Variants in CNTFR observed in about 807,000 individuals in gnomAD.
CNTFR encodes ciliary neurotrophic factor receptor subunit alpha.
A neutral mutation model predicts 40.4 loss-of-function variants in CNTFR; 12 were observed. That is an observed-to-expected ratio of 0.30 (90% CI 0.19 to 0.48). The LOEUF (loss-of-function observed/expected upper bound fraction) is 0.48, where lower values mean the gene tolerates loss of function less well. Among genes scored for constraint, CNTFR ranks in the 20% least tolerant of loss-of-function variants. The pLI is 0.99. For missense variants in CNTFR, 414 were observed against 506.8 expected (o/e 0.82, Z 1.76); for synonymous variants, 202 against 209.6 (o/e 0.96, Z 0.31).
chr9:34,584,377 A>G (rs1240946259), intron 1 of CNTFR, among the ~76,000 whole-genome samples: 2 of 151,530 alleles, frequency 1.3e-5, no homozygotes, highest in Non-Finnish European at 2.9e-5. Flanking sequence ...ATATTCACAC[A>G]CTCTCCCAGT....
intron 2 of CNTFR, among the ~76,000 whole-genome samples, chr9:34,574,665 G>T (rs1826863882): frequency 1.3e-5 from 2 of 152,206 alleles, no homozygotes; most frequent in Non-Finnish European, 1.5e-5. Flanking sequence ...TGAGTGAGTT[G>T]GGGGGGTTGG....
Position 34,557,643 on chromosome 9 carries a change from G to T in CNTFR, c.487C>A (p.Arg163Ser). The T allele has an allele frequency of 3.7e-6, 6 of 1,614,208 alleles. No individual in the cohort carries two copies. Among genetic ancestry groups the T allele is most frequent in the South Asian group, 1.1e-5 (1 of 91,082 alleles). Residue 163 changes from arginine to serine, a missense_variant, in exon 6 of 10, where the codon CGC (arginine) becomes AGC (serine). Around this residue, in one of 3 missense-constraint regions of CNTFR, gnomAD observed 250 missense variants for 269.5 expected, o/e 0.93. Transcript: ENST00000378980. This position sits in a 1 kb window ranked among gnomAD's most constrained non-coding sequence, Gnocchi z 4.2. ...VCEKDPALKN[R>S]CHIRYMHLFS... ...AGGTGCATGTAGCGAATGTGGCAGC[G>T]GTTCTTGAGGGCTGGGTCCTTCTCA...
intron 7 of CNTFR, among the ~76,000 whole-genome samples, chr9:34,554,471 T>A (rs181829245): frequency 1.2e-4 from 19 of 152,290 alleles, no homozygotes; most frequent in Admixed American, 9.8e-4. Context: ...AGGTTATCAG[T>A]GATCCCTTCA....
rs779639076 is a variant in CNTFR at position 34,556,431 on chromosome 9, C to T, written c.605-13G>A. ...GGATCAGGCTTCACTGTTCAGGAGA[C>T]ATAGCTTCATTACTACACTAATCAC... On this transcript the variant is annotated splice_polypyrimidine_tract_variant and intron_variant, in intron 6 of 9. Coordinates refer to ENST00000378980, the MANE Select transcript of CNTFR (RefSeq NM_147164.3). 5 of 1,590,410 alleles carry T rather than the reference C, an allele frequency of 3.1e-6. No individual in the cohort carries two copies. The highest frequency in any genetic ancestry group is 4.3e-6 in the Non-Finnish European group (5 of 1,166,488).
At chr9:34,568,445 G>T (rs191051320) in intron 3 of CNTFR, among the ~76,000 whole-genome samples, 1 of 152,116 alleles carries the variant, frequency 6.6e-6, no homozygotes, top group East Asian at 1.9e-4. Flanking sequence ...CTGTCCCTTC[G>T]TCTCATTCTC....
Position 34,557,977 on chromosome 9 carries a change from C to T in CNTFR, c.327G>A (p.Pro109=), listed in dbSNP as rs1240696816. Residue 109 remains proline, a synonymous_variant, in exon 5 of 10, where the codon CCG becomes CCA. Coordinates refer to ENST00000378980, the MANE Select transcript of CNTFR (RefSeq NM_147164.3). This position sits in a 1 kb window ranked among gnomAD's most constrained non-coding sequence, Gnocchi z 4.2. Reference sequence around the variant, plus strand: ...AGCGGCAGCTGAGCACAGGCTCCCGCGGCGGCACTGGGGGTGAGGACAGTA... The same window carrying T: ...AGCGGCAGCTGAGCACAGGCTCCCGTGGCGGCACTGGGGGTGAGGACAGTA... The part of the protein sequence containing the change: ...HQVLLHVGLP[P]REPVLSCRSN... 12 of 1,542,320 alleles carry T rather than the reference C, an allele frequency of 7.8e-6. No homozygotes were observed. The highest frequency in any genetic ancestry group is 5.5e-5 in the African/African-American group (4 of 72,678).
At chr9:34,565,648 C>A (rs911685128) in intron 3 of CNTFR, among the ~76,000 whole-genome samples, 2 of 152,084 alleles carry the variant, frequency 1.3e-5, no homozygotes, top group African/African-American at 4.8e-5. Flanking sequence ...CCTGTCAGAG[C>A]CAAAAGCAAA....
Position 34,552,007 on chromosome 9 carries a change from C to A in CNTFR, c.*64G>T. ...TGTGCAAAATAGAAACCGGGGTCTG[C>A]AGGCTCAGCTCCGGCCTCCTGCTCC... On this transcript the variant is annotated 3_prime_UTR_variant, in exon 10 of 10. Coordinates refer to ENST00000378980, the MANE Select transcript of CNTFR (RefSeq NM_147164.3). The surrounding 1 kb of genome is among the most constrained non-coding windows in gnomAD (Gnocchi z 5.1). 1 of 925,892 alleles carries A rather than the reference C, an allele frequency of 1.1e-6. No individual in the cohort carries two copies. Among genetic ancestry groups the A allele is most frequent in the Non-Finnish European group, 1.7e-6 (1 of 572,272 alleles). The allele number at this position is 925,892 out of a possible 1,614,324, so 57.4% of individuals were successfully genotyped here.
Position 34,552,715 on chromosome 9 carries a change from G to T in CNTFR, c.908C>A (p.Thr303Asn). 1 of 1,613,830 alleles carries T rather than the reference G, an allele frequency of 6.2e-7. No individual in the cohort carries two copies. Among genetic ancestry groups the T allele is most frequent in the South Asian group, 1.1e-5 (1 of 91,080 alleles). ...WSVAAHATPWTEEPRHLTTEA... is the reference protein window; with the variant it reads ...WSVAAHATPWNEEPRHLTTEA... ...CGTGGTGAGGTGTCGCGGTTCCTCA[G>T]TCCAGGGCGTAGCGTGGGCGGCTAC... The change falls in exon 8 of 10, where the codon ACT becomes AAT. Residue 303 changes from threonine to asparagine, a missense_variant. Transcript: ENST00000378980. This position sits in a 1 kb window ranked among gnomAD's most constrained non-coding sequence, Gnocchi z 5.1.
intron 2 of CNTFR, among the ~76,000 whole-genome samples, chr9:34,573,604 G>A (rs1483590808): frequency 6.6e-6 from 1 of 152,196 alleles, no homozygotes; most frequent in Non-Finnish European, 1.5e-5. Flanking sequence ...CTGATGAAGG[G>A]CATCCGGCCC....
intron 3 of CNTFR, among the ~76,000 whole-genome samples, chr9:34,565,064 G>C (rs1826226498): frequency 6.6e-6 from 1 of 152,122 alleles, no homozygotes; most frequent in Non-Finnish European, 1.5e-5. Context: ...ATGTACAGGG[G>C]CTAGGTATGT....
At chr9:34,576,049 G>C (rs543303759) in intron 2 of CNTFR, among the ~76,000 whole-genome samples, 2 of 151,980 alleles carry the variant, frequency 1.3e-5, no homozygotes, top group Non-Finnish European at 2.9e-5. Flanking sequence ...AGCACCCAGC[G>C]CTCACTTCAC....
chr9:34,560,852 G>C (rs1054288682), intron 4 of CNTFR, among the ~76,000 whole-genome samples: 4 of 152,226 alleles, frequency 2.6e-5, no homozygotes, highest in Admixed American at 1.3e-4. Context: ...CCCAGGGTTT[G>C]TTTGTTTTCC....
intron 7 of CNTFR, among the ~76,000 whole-genome samples, chr9:34,554,981 G>A (rs948602110): frequency 3.3e-5 from 5 of 152,234 alleles, no homozygotes; most frequent in Admixed American, 1.3e-4. Flanking sequence ...TCAGTTTTGC[G>A]CATGGTCTCG....
chr9:34,558,254 C>T (rs571311613), intron 4 of CNTFR, among the ~76,000 whole-genome samples: 21 of 152,320 alleles, frequency 1.4e-4, no homozygotes, highest in African/African-American at 4.3e-4. Flanking sequence ...CAGGGGGCTG[C>T]GGGCCTCAAC....
chr9:34,581,417 T>C (rs534773388), intron 1 of CNTFR, among the ~76,000 whole-genome samples: 47 of 152,326 alleles, frequency 3.1e-4, no homozygotes, highest in Non-Finnish European at 6.0e-4. Context: ...GGGACAAAGG[T>C]TGCCAGAAGG....
chr9:34,579,328 C>T (rs1309383197), intron 2 of CNTFR, among the ~76,000 whole-genome samples: 1 of 152,022 alleles, frequency 6.6e-6, no homozygotes, highest in East Asian at 1.9e-4. Context: ...CCGCCTAATG[C>T]GCTTTATCAG....
In CNTFR at chr9:34,575,161, T is replaced by C. The variant is rs1335279486; in HGVS notation, c.-1+5934A>G. 2.4e-4 allele frequency among the ~76,000 whole-genome samples: 37 copies of C among 152,152 alleles called. 1 individual carries two copies. Among genetic ancestry groups the C allele is most frequent in the Admixed American group, 2.4e-3 (36 of 15,288 alleles). On this transcript the variant is annotated intron_variant, in intron 2 of 9. Transcript: ENST00000378980. ...AGTTCGTATCCTCCCTTTGGACACA[T>C]AGGCTCTGGAGAGCTTCACAGAACC... is the stretch of plus-strand genomic sequence containing the variant.
At chr9:34,560,796 C>G (rs1826038151) in intron 4 of CNTFR, among the ~76,000 whole-genome samples, 1 of 152,344 alleles carries the variant, frequency 6.6e-6, no homozygotes, top group Non-Finnish European at 1.5e-5. Flanking sequence ...CTGGGTCCCA[C>G]GCGGGGCTGT....
Sources: gnomAD v4.1 joint callset for allele counts (sites outside exome capture counted in the v4.1 genomes callset) on GRCh38, gnomAD v4.1.1 for gene constraint, gnomAD v4.1.1 regional missense constraint, Gnocchi (gnomAD v3.1) non-coding constraint, MANE v1.5 for transcripts, NCBI Gene and HGNC (gene_info 2026-07-23, HGNC 2026-07-21) for gene names.